Variants in CNOT10 observed in about 807,000 individuals in gnomAD.
The protein encoded by CNOT10 is CCR4-NOT transcription complex, subunit 10.
In CNOT10, 30 loss-of-function variants were observed where a neutral mutation model predicts 94.6. The observed-to-expected ratio is 0.32, with a 90% CI of 0.24 to 0.43. The LOEUF is 0.43. Ranked by LOEUF, CNOT10 falls within the 20% of genes least tolerant of loss-of-function variation. The pLI is 1.00. For missense variants in CNOT10, 759 were observed against 877.2 expected (o/e 0.87, Z 1.70); for synonymous variants, 289 against 301.6 (o/e 0.96, Z 0.43).
At chr3:32,740,964 C>G (rs1009465837) in intron 13 of CNOT10, among the ~76,000 whole-genome samples, 4 of 152,066 alleles carry the variant, frequency 2.6e-5, no homozygotes, top group Non-Finnish European at 4.4e-5. Flanking sequence ...CCTTGGCCTC[C>G]CAAAGCACTG....
At chr3:32,741,331 A>G (rs866483601) in intron 13 of CNOT10, among the ~76,000 whole-genome samples, 2 of 316 alleles carry the variant, frequency 6.3e-3, no homozygotes, top group Non-Finnish European at 0.012. Context: ...TAGGACATCT[A>G]GCTTTATTCC....
At chr3:32,735,388 T>C (rs1699143634) in intron 12 of CNOT10, among the ~76,000 whole-genome samples, 1 of 151,822 alleles carries the variant, frequency 6.6e-6, no homozygotes, top group Admixed American at 6.6e-5. Context: ...GGGATATTTG[T>C]AAGAAGTCCT....
chr3:32,753,982 A>G (rs1366464067), intron 13 of CNOT10: 1 of 683,876 alleles, frequency 1.5e-6, no homozygotes, highest in Non-Finnish European at 2.3e-6. Flanking sequence ...TTGTAATCCC[A>G]GTTACTGGGA....
chr3:32,767,879 G>A (rs1700719036), intron 17 of CNOT10, among the ~76,000 whole-genome samples: 1 of 152,198 alleles, frequency 6.6e-6, no homozygotes, highest in South Asian at 2.1e-4. Context: ...AAGTTACAGT[G>A]TGTACAGTCC....
chr3:32,730,308 C>T (rs904456969), intron 10 of CNOT10, among the ~76,000 whole-genome samples: 1 of 152,006 alleles, frequency 6.6e-6, no homozygotes, highest in African/African-American at 2.4e-5. Flanking sequence ...ACAAGGTCTC[C>T]TCCCCTCCCC....
intron 13 of CNOT10, among the ~76,000 whole-genome samples, chr3:32,754,489 A>AAAAATATATATATATATATATATATAT (rs77878221): frequency 1.4e-5 from 1 of 70,220 alleles, no homozygotes; most frequent in African/African-American, 7.7e-5. Flanking sequence ...AAAAAAAAAA[A>AAAAATATATATATATATATATATATAT]ATACATATAT....
Position 32,754,489 on chromosome 3 carries a change from A to AAAAAT in CNOT10, c.1596-4968_1596-4967insAAATA, listed in dbSNP as rs77878221. ...AAGACTCCGTCTCAAAAAAAAAAAA[A>AAAAAT]ATACATATATATATATATATTTATT... On this transcript the variant is annotated intron_variant, in intron 13 of 18. Coordinates refer to ENST00000328834, the MANE Select transcript of CNOT10 (RefSeq NM_015442.3). Among the ~76,000 whole-genome samples, 17 of 70,214 alleles carry AAAAAT rather than the reference A, an allele frequency of 2.4e-4. 1 individual carries two copies. The highest frequency in any genetic ancestry group is 1.2e-3 in the East Asian group (2 of 1,624). 46.1% of individuals were successfully genotyped at this position (70,214 alleles called of 152,430 possible). A position where few individuals can be genotyped will look rare whatever the true frequency, so the allele number is the denominator to read the frequency against.
rs994251894 is a variant in CNOT10, at chr3:32,725,582, C to T, written c.995C>T (p.Ala332Val). Residue 332 changes from alanine to valine, a missense_variant, in exon 9 of 19, where the codon GCA (alanine) becomes GTA (valine). Ala to Val is a moderately conservative substitution (Grantham distance 64). Around this residue, in one of 3 missense-constraint regions of CNOT10, gnomAD observed 682 missense variants for 799.4 expected, o/e 0.85. Transcript: ENST00000328834. Reference protein sequence around the residue: ...ENDNVCAQLSAGSTDPGKKFS... With the variant: ...ENDNVCAQLSVGSTDPGKKFS... ...GACAATGTCTGTGCACAGCTCAGTG[C>T]AGGTAGCACTGATCCAGGTAAGCCC... 9.3e-6 allele frequency: 15 copies of T among 1,612,432 alleles called. No homozygotes were observed. Among genetic ancestry groups the T allele is most frequent in the African/African-American group, 6.7e-5 (5 of 74,872 alleles).
At chr3:32,745,575 A>G (rs933660018) in intron 13 of CNOT10, among the ~76,000 whole-genome samples, 2 of 152,354 alleles carry the variant, frequency 1.3e-5, no homozygotes, top group South Asian at 2.1e-4. Context: ...AAACTTGTCC[A>G]TAAAAGAATT....
chr3:32,727,943 A>C lies in CNOT10; in HGVS notation c.1215+73A>C, dbSNP rs1698755555. 3.7e-6 allele frequency: 4 copies of C among 1,070,486 alleles called. No individual in the cohort carries two copies. In the East Asian group the frequency reaches 7.5e-5, roughly 20 times the overall value. 66.3% of individuals were successfully genotyped at this position (1,070,486 alleles called of 1,614,324 possible). ...ACTACATGGAATGGTTAAAAAAAAAAAAAAAACCTTGGAAACATACATAAG... is the reference window on the plus strand; with the variant it reads ...ACTACATGGAATGGTTAAAAAAAAACAAAAAACCTTGGAAACATACATAAG... On this transcript the variant is annotated intron_variant, in intron 10 of 18. Coordinates refer to ENST00000328834, the MANE Select transcript of CNOT10 (RefSeq NM_015442.3).
intron 15 of CNOT10, 134 bp downstream of exon 15, chr3:32,762,997 GTACT>G (rs962549492): frequency 6.9e-6 from 6 of 868,200 alleles, no homozygotes; most frequent in South Asian, 2.5e-5. Context: ...ATTTTTGTCT[GTACT>G]TACTTTGTAG....
At chr3:32,751,049 C>T (rs1284416282) in intron 13 of CNOT10, among the ~76,000 whole-genome samples, 2 of 152,050 alleles carry the variant, frequency 1.3e-5, no homozygotes, top group African/African-American at 2.4e-5. Context: ...TTGGAGCCAA[C>T]ATGGGAGATG....
chr3:32,763,205 C>G (rs1233993618), intron 15 of CNOT10, among the ~76,000 whole-genome samples: 4 of 151,976 alleles, frequency 2.6e-5, no homozygotes, highest in Non-Finnish European at 5.9e-5. Flanking sequence ...GGCGTGGTGG[C>G]TCACGCCTGT....
Position 32,734,796 on chromosome 3 carries a change from T to G in CNOT10, c.1338-4T>G. On this transcript the variant is annotated splice_polypyrimidine_tract_variant and splice_region_variant and intron_variant, in intron 11 of 18. Transcript: ENST00000328834. ...CTTAGCTAATTTGGTTTTGTTCTTT[T>G]AAGTGATGGGCAGTCTTCGGCCATT... 1 of 1,579,538 alleles carries G rather than the reference T, an allele frequency of 6.3e-7. No homozygotes were observed. The highest frequency in any genetic ancestry group is 8.6e-7 in the Non-Finnish European group (1 of 1,160,112).
chr3:32,728,958 G>C (rs377374448), intron 10 of CNOT10, among the ~76,000 whole-genome samples: 13 of 152,046 alleles, frequency 8.6e-5, no homozygotes, highest in African/African-American at 3.1e-4. Flanking sequence ...AAAATTAGCC[G>C]GGCGTTGTGG....
intron 18 of CNOT10, among the ~76,000 whole-genome samples, chr3:32,771,433 T>G (rs1045333905): frequency 1.3e-5 from 2 of 152,106 alleles, no homozygotes; most frequent in African/African-American, 4.8e-5. Context: ...AAACCCCATC[T>G]TTACTGAAAA....
chr3:32,750,453 C>G lies in CNOT10; in HGVS notation c.1596-9005C>G, dbSNP rs558582932. On this transcript the variant is annotated intron_variant, in intron 13 of 18. Transcript: ENST00000328834. The stretch of plus-strand genomic sequence containing the variant: ...GTTGCAGTGAGCCAAGATCGCACCA[C>G]TGCACTCCACCCTGAGCGACAGAGC... Among the ~76,000 whole-genome samples, 7 of 152,240 alleles carry G rather than the reference C, an allele frequency of 4.6e-5. No individual in the cohort carries two copies. The South Asian group carries it at 1.5e-3, about 32-fold the overall frequency.
chr3:32,751,728 T>G (rs1169454460), intron 13 of CNOT10, among the ~76,000 whole-genome samples: 4 of 152,218 alleles, frequency 2.6e-5, no homozygotes, highest in African/African-American at 9.6e-5. Context: ...TTGTAGCCCA[T>G]AAGACATAAC....
chr3:32,696,306 A>G (rs1697065143), intron 1 of CNOT10, among the ~76,000 whole-genome samples: 1 of 149,794 alleles, frequency 6.7e-6, no homozygotes, highest in South Asian at 2.1e-4. Context: ...ACAGAGTGAG[A>G]CTCCGTCTCA....
Sources: allele counts gnomAD v4.1 joint callset (sites outside exome capture counted in the v4.1 genomes callset), GRCh38; gene constraint gnomAD v4.1.1; regional missense constraint gnomAD v4.1.1; transcripts MANE v1.5; gene names NCBI Gene and HGNC (gene_info 2026-07-23, HGNC 2026-07-21).